Variants in OSMR observed in about 807,000 individuals in gnomAD.
OSMR encodes the protein oncostatin M receptor.
Under a neutral mutation model 99.9 loss-of-function variants are expected in OSMR, and 81 were observed. That is an observed-to-expected ratio of 0.81 (90% CI 0.68 to 0.97). The LOEUF is 0.97. Among genes scored for constraint, OSMR ranks in the 50% least tolerant of loss-of-function variants. OSMR has a pLI of 0.00. For synonymous variants in OSMR, 406 were observed against 410.4 expected (o/e 0.99, Z 0.13); for missense variants, 1,099 against 1,153.4 (o/e 0.95, Z 0.68).
chr5:38,926,628 C>T (rs1746488577), intron 15 of OSMR, among the ~76,000 whole-genome samples: 1 of 152,184 alleles, frequency 6.6e-6, no homozygotes, highest in Non-Finnish European at 1.5e-5. Context: ...TCAATTACAT[C>T]CCACGGGGTC....
At chr5:38,862,386 A>C (rs1221793082) in intron 1 of OSMR, among the ~76,000 whole-genome samples, 1 of 43,470 alleles carries the variant, frequency 2.3e-5, no homozygotes, top group East Asian at 1.4e-3. Flanking sequence ...GGCGCCCCTC[A>C]CCTCCCGGAT....
At chr5:38,891,438 C>T (rs1443219539) in intron 7 of OSMR, among the ~76,000 whole-genome samples, 1 of 152,188 alleles carries the variant, frequency 6.6e-6, no homozygotes, top group Non-Finnish European at 1.5e-5. Context: ...AGTGGATTGT[C>T]TGAGACCTCA....
intron 10 of OSMR, 21 bp from the exon 11 acceptor site, chr5:38,918,819 G>A: frequency 6.2e-7 from 1 of 1,611,658 alleles, no homozygotes; most frequent in Non-Finnish European, 8.5e-7. Flanking sequence ...ATTTAAAAAT[G>A]TTTATCAATA....
chr5:38,939,715 T>C (rs1385262272), downstream of OSMR: 4 of 229,634 alleles, frequency 1.7e-5, no homozygotes, highest in Non-Finnish European at 3.5e-5. Flanking sequence ...TACAAATTTA[T>C]ATGGACTAAG....
At chr5:38,941,357 C>T (rs2112768826) in intron 1 of OSMR, 1 of 231,648 alleles carries the variant, frequency 4.3e-6, no homozygotes, top group Admixed American at 5.6e-5. Flanking sequence ...TCTTCTTTCC[C>T]CATGGAATGT....
At chr5:38,926,710 A>G (rs1746491312) in intron 15 of OSMR, among the ~76,000 whole-genome samples, 1 of 152,178 alleles carries the variant, frequency 6.6e-6, no homozygotes, top group South Asian at 2.1e-4. Flanking sequence ...CTGCCAAACC[A>G]TATCATTCCA....
intron 15 of OSMR, among the ~76,000 whole-genome samples, chr5:38,927,697 T>C (rs963528131): frequency 1.3e-5 from 2 of 152,194 alleles, no homozygotes; most frequent in Non-Finnish European, 2.9e-5. Flanking sequence ...GGAGACATTT[T>C]CTCCATTGCC....
chr5:38,887,978 C>T (rs753095709), intron 7 of OSMR, among the ~76,000 whole-genome samples: 6 of 151,970 alleles, frequency 3.9e-5, no homozygotes, highest in Non-Finnish European at 5.9e-5. Context: ...TTGGATAAAA[C>T]GACACAGACA....
intron 1 of OSMR, among the ~76,000 whole-genome samples, chr5:38,861,981 TC>T (rs201958255): frequency 5.0e-5 from 4 of 80,718 alleles, no homozygotes; most frequent in South Asian, 5.2e-4. Flanking sequence ...ACTGACCCCC[TC>T]ACCTCCCTCC....
chr5:38,855,760 T>C (rs1740789418), intron 1 of OSMR, among the ~76,000 whole-genome samples: 1 of 147,898 alleles, frequency 6.8e-6, no homozygotes, highest in Admixed American at 6.7e-5. Context: ...GTCCCTCACT[T>C]CACTGTTGTC....
chr5:38,945,013 T>G, exon 3 of OSMR: 1 of 1,612,084 alleles, frequency 6.2e-7, no homozygotes, highest in East Asian at 2.2e-5. Context: ...GAACCACTTC[T>G]AAAGGATTAT....
chr5:38,862,841 G>A (rs1340727542), intron 1 of OSMR, among the ~76,000 whole-genome samples: 2 of 151,836 alleles, frequency 1.3e-5, no homozygotes, highest in East Asian at 2.0e-4. Context: ...GTAGCGAGCC[G>A]AGATCACACC....
chr5:38,945,394 A>C (rs1191103720), downstream of OSMR: 3 of 782,264 alleles, frequency 3.8e-6, no homozygotes, highest in Non-Finnish European at 6.3e-6. Context: ...CCAGCTGGGA[A>C]ACTCTGAATT....
At chr5:38,881,904 A>G (rs1222524594) in intron 4 of OSMR, 140 bp downstream of exon 4, 2 of 728,076 alleles carry the variant, frequency 2.7e-6, no homozygotes, top group Non-Finnish European at 4.6e-6. Context: ...ATGGGAACTA[A>G]AAAACACAGG....
At chr5:38,937,738 A>T (rs1747128073), downstream of OSMR, among the ~76,000 whole-genome samples, 1 of 152,338 alleles carries the variant, frequency 6.6e-6, no homozygotes, top group South Asian at 2.1e-4. This position sits in a 1 kb window ranked among gnomAD's most constrained non-coding sequence, Gnocchi z 4.0. Flanking sequence ...AAGATGTTTA[A>T]TTATGAAGTG....
intron 3 of OSMR, among the ~76,000 whole-genome samples, chr5:38,876,855 G>A (rs1433757203): frequency 6.6e-6 from 1 of 152,198 alleles, no homozygotes; most frequent in Non-Finnish European, 1.5e-5. Flanking sequence ...CATCCAACAA[G>A]GAGCCATGTT....
chr5:38,932,658 T>C, intron 17 of OSMR, 123 bp downstream of exon 17: 1 of 1,546,548 alleles, frequency 6.5e-7, no homozygotes. Context: ...AAGCCATCTT[T>C]GCACCCACAG....
rs1333867063 is a variant in OSMR at position 38,934,226 on chromosome 5, A to G, written c.*782A>G. The G allele has an allele frequency of 1.3e-5, 2 of 152,604 alleles. No individual in the cohort carries two copies. The highest frequency in any genetic ancestry group is 2.9e-5 in the Non-Finnish European group (2 of 68,042). 9.5% of individuals were successfully genotyped at this position (152,604 alleles called of 1,614,324 possible). On this transcript the variant is annotated 3_prime_UTR_variant, in exon 18 of 18. Transcript: ENST00000274276. The stretch of plus-strand genomic sequence containing the variant: ...TACCTCAGAACATAAAAAGGAACGT[A>G]TATCACATAATTCCAGTCACAGTTT...
chr5:38,887,039 C>A (rs1451441696), intron 7 of OSMR, among the ~76,000 whole-genome samples: 1 of 152,100 alleles, frequency 6.6e-6, no homozygotes, highest in Non-Finnish European at 1.5e-5. Flanking sequence ...TCATGATAGT[C>A]TTGAGATTGA....
Sources: gnomAD v4.1 joint callset for allele counts (sites outside exome capture counted in the v4.1 genomes callset) on GRCh38, gnomAD v4.1.1 for gene constraint, Gnocchi (gnomAD v3.1) non-coding constraint, MANE v1.5 for transcripts, NCBI Gene and HGNC (gene_info 2026-07-23, HGNC 2026-07-21) for gene names.